Variants in DGKB observed in about 807,000 individuals in gnomAD.
DGKB encodes diacylglycerol kinase beta.
A neutral mutation model predicts 114.3 loss-of-function variants in DGKB; 67 were observed. The ratio of observed to expected loss-of-function variants is 0.59; its 90% CI spans 0.48 to 0.72. The LOEUF (loss-of-function observed/expected upper bound fraction) is 0.72, where lower values mean the gene tolerates loss of function less well. Among genes scored for constraint, DGKB ranks in the 30% least tolerant of loss-of-function variants. The pLI is 0.00. For synonymous variants in DGKB, 398 were observed against 323.1 expected (o/e 1.23, Z -2.49); for missense variants, 907 against 975.2 (o/e 0.93, Z 0.93).
intron 20 of DGKB, among the ~76,000 whole-genome samples, chr7:14,541,359 C>T (rs1046628482): frequency 2.5e-4 from 38 of 152,042 alleles, no homozygotes; most frequent in Admixed American, 2.4e-3. Flanking sequence ...TTTGGCAATG[C>T]GAAAGAACCA....
At position 14,457,421 on chromosome 7, in the gene DGKB, A is replaced by T. The variant is rs1046064971; in HGVS notation, c.1835+20740T>A. Among the ~76,000 whole-genome samples the T allele has an allele frequency of 2.0e-5, 3 of 152,278 alleles. No homozygotes were observed. The South Asian group carries it at 6.2e-4, about 32-fold the overall frequency. On this transcript the variant is annotated intron_variant, in intron 21 of 25. Coordinates refer to ENST00000402815, the MANE Select transcript of DGKB (RefSeq NM_001350709.2). Reference sequence around the variant, plus strand: ...ATTTGTTAAAATGCTCTTAAAGTAAATATAGTATTGCTTGCATTTTGGAAA... The same window carrying T: ...ATTTGTTAAAATGCTCTTAAAGTAATTATAGTATTGCTTGCATTTTGGAAA...
chr7:14,603,962 CAT>C (rs1275170864), intron 17 of DGKB, among the ~76,000 whole-genome samples: 1 of 152,032 alleles, frequency 6.6e-6, no homozygotes, highest in South Asian at 2.1e-4. Flanking sequence ...GTCACATTAA[CAT>C]GTGAAGTTGG....
chr7:14,345,400 G>C lies in DGKB; in HGVS notation c.1836-9C>G. On this transcript the variant is annotated splice_polypyrimidine_tract_variant and intron_variant, in intron 21 of 25. Transcript: ENST00000402815. ...AAAATTTGTTCTTCATTCTGAAAAA[G>C]AAAAGGAAGAAGCACCTTAGGCAAT... The C allele has an allele frequency of 1.4e-6, 2 of 1,450,184 alleles. No individual in the cohort carries two copies. Among genetic ancestry groups the C allele is most frequent in the South Asian group, 2.5e-5 (2 of 81,504 alleles). 89.8% of individuals were successfully genotyped at this position (1,450,184 alleles called of 1,614,324 possible). A position where few individuals can be genotyped will look rare whatever the true frequency, so the allele number is the denominator to read the frequency against.
At chr7:14,325,677 A>G (rs1365929489) in intron 23 of DGKB, among the ~76,000 whole-genome samples, 1 of 152,148 alleles carries the variant, frequency 6.6e-6, no homozygotes, top group East Asian at 1.9e-4. Flanking sequence ...AGTCATGAGG[A>G]CTCTACTACT....
At position 14,753,951 on chromosome 7, in the gene DGKB, G is replaced by T; in HGVS notation, c.148-3C>A. ...ACTTGGTTAAGAATGTCTTGTTTCT[G>T]TGCATGCAAGGAAAGAAAGAATACA... On this transcript the variant is annotated splice_polypyrimidine_tract_variant and splice_region_variant and intron_variant, in intron 3 of 25. Coordinates refer to ENST00000402815, the MANE Select transcript of DGKB (RefSeq NM_001350709.2). 2 of 1,514,080 alleles carry T rather than the reference G, an allele frequency of 1.3e-6. No homozygotes were observed. 93.8% of individuals were successfully genotyped at this position (1,514,080 alleles called of 1,614,324 possible).
intron 21 of DGKB, among the ~76,000 whole-genome samples, chr7:14,477,379 C>A (rs1228276268): frequency 6.6e-6 from 1 of 152,122 alleles, no homozygotes; most frequent in Non-Finnish European, 1.5e-5. Flanking sequence ...TAGATAAAGT[C>A]ACTTAAATAT....
At chr7:14,634,273 C>G (rs1810303527) in intron 13 of DGKB, among the ~76,000 whole-genome samples, 1 of 151,264 alleles carries the variant, frequency 6.6e-6, no homozygotes, top group South Asian at 2.1e-4. Context: ...GCTTAGATGC[C>G]TAACCCAGGA....
At chr7:14,653,114 A>G (rs1814959674) in intron 13 of DGKB, among the ~76,000 whole-genome samples, 1 of 150,658 alleles carries the variant, frequency 6.6e-6, no homozygotes, top group Non-Finnish European at 1.5e-5. Context: ...TCAGGGATCT[A>G]GAACTGGAAA....
intron 17 of DGKB, among the ~76,000 whole-genome samples, chr7:14,587,117 AT>A (rs1178628080): frequency 1.3e-5 from 2 of 152,180 alleles, no homozygotes; most frequent in African/African-American, 4.8e-5. Flanking sequence ...TCTGTAAAGG[AT>A]TTAATAATCT....
chr7:14,747,779 G>GCGCGCGCGCACACACACACACACA (rs1554636463), intron 4 of DGKB, among the ~76,000 whole-genome samples: 2 of 148,502 alleles, frequency 1.3e-5, no homozygotes, highest in Admixed American at 6.7e-5. Context: ...CCACGCGCAC[G>GCGCGCGCGCACACACACACACACA]CACACACACA....
At chr7:14,967,561 T>C (rs1787226813) in intron 1 of DGKB, among the ~76,000 whole-genome samples, 1 of 150,942 alleles carries the variant, frequency 6.6e-6, no homozygotes, top group South Asian at 2.1e-4. Flanking sequence ...CCTCAAGTGA[T>C]TCATTCACCT....
At chr7:14,921,341 G>T (rs548691234) in intron 1 of DGKB, among the ~76,000 whole-genome samples, 2 of 152,014 alleles carry the variant, frequency 1.3e-5, no homozygotes, top group African/African-American at 4.8e-5. Flanking sequence ...GAAGGAGAAG[G>T]GTATATACAA....
At chr7:14,787,425 A>G (rs1427626629) in intron 2 of DGKB, among the ~76,000 whole-genome samples, 1 of 152,184 alleles carries the variant, frequency 6.6e-6, no homozygotes, top group African/African-American at 2.4e-5. Context: ...TGTATCTTTT[A>G]TGTTAATTCC....
chr7:14,762,802 T>C (rs545451061), intron 2 of DGKB, among the ~76,000 whole-genome samples: 28 of 152,274 alleles, frequency 1.8e-4, no homozygotes, highest in African/African-American at 6.5e-4. Context: ...TGAATGTCCC[T>C]GGGCATATTT....
At chr7:14,409,381 T>A (rs1469002921) in intron 21 of DGKB, among the ~76,000 whole-genome samples, 1 of 152,092 alleles carries the variant, frequency 6.6e-6, no homozygotes, top group Non-Finnish European at 1.5e-5. Context: ...GCTTGATGTG[T>A]TCCTGAGAAG....
chr7:14,676,417 A>T (rs1917548), intron 12 of DGKB, among the ~76,000 whole-genome samples: 125,954 of 150,964 alleles, frequency 0.83, 52,270 homozygotes, highest in East Asian at 0.9. Context: ...TAAAACAACT[A>T]AAAGAAGGTA....
intron 13 of DGKB, among the ~76,000 whole-genome samples, chr7:14,661,334 C>A (rs1056333202): frequency 6.8e-6 from 1 of 146,422 alleles, no homozygotes; most frequent in Non-Finnish European, 1.5e-5. Flanking sequence ...CCAGAATCTA[C>A]AATGAACTCA....
At chr7:14,823,266 AT>A (rs1029765754) in intron 2 of DGKB, among the ~76,000 whole-genome samples, 2 of 152,112 alleles carry the variant, frequency 1.3e-5, no homozygotes, top group African/African-American at 2.4e-5. Flanking sequence ...TTATTAATTG[AT>A]TTTTAAGACC....
rs1305482180 is a variant in DGKB at position 14,830,372 on chromosome 7, T to TC, written c.70+10821_70+10822insG. Among the ~76,000 whole-genome samples, 19 of 84,740 alleles carry TC rather than the reference T, an allele frequency of 2.2e-4. 1 individual carries two copies. The East Asian group carries it at 7.7e-3, about 34-fold the overall frequency. 55.6% of individuals were successfully genotyped at this position (84,740 alleles called of 152,430 possible). ...AAGAGCCCATTTCTAGAGAAATAAT[T>TC]TAATAGGCAGAAATTTCAAAAAAAA... On this transcript the variant is annotated intron_variant, in intron 2 of 25. Coordinates refer to ENST00000402815, the MANE Select transcript of DGKB (RefSeq NM_001350709.2).
Sources: gnomAD v4.1 joint callset for allele counts (sites outside exome capture counted in the v4.1 genomes callset) on GRCh38, gnomAD v4.1.1 for gene constraint, MANE v1.5 for transcripts, NCBI Gene and HGNC (gene_info 2026-07-23, HGNC 2026-07-21) for gene names.